The following OR8D2 variants were observed in gnomAD, a reference collection of about 807,000 sequenced individuals.
The protein encoded by OR8D2 is olfactory receptor 8D2.
For missense variants in OR8D2, 350 were observed against 369.8 expected (o/e 0.95, Z 0.44); for synonymous variants, 156 against 140.3 (o/e 1.11, Z -0.79).
chr11:124,320,128 G>T lies in OR8D2; in HGVS notation c.70C>A (p.Gln24Lys), dbSNP rs1025189055. ...LAGLTQRPEL[Q>K]LPLFLLFLGI... ...AGGAACAGGAGGAAGAGTGGCAGTT[G>T]AAGTTCTGGGCGTTGTGTCAAGCCT... Residue 24 changes from glutamine to lysine, a missense_variant, in exon 1 of 1, where the codon CAA becomes AAA. By Grantham distance (53) the Gln-to-Lys change is moderately conservative (BLOSUM62 1). Coordinates refer to ENST00000624618, the MANE Select transcript of OR8D2 (RefSeq NM_001002918.1). 1.9e-6 allele frequency: 3 copies of T among 1,613,480 alleles called. No individual in the cohort carries two copies. The African/African-American group carries it at 4.0e-5, about 22-fold the overall frequency.
At position 124,319,965 on chromosome 11, in the gene OR8D2, G is replaced by C; in HGVS notation, c.233C>G (p.Thr78Ser). 6.2e-7 allele frequency: 1 copy of C among 1,613,140 alleles called. No individual in the cohort carries two copies. The highest frequency in any genetic ancestry group is 8.5e-7 in the Non-Finnish European group (1 of 1,179,328). The change falls in exon 1 of 1, where the codon ACC becomes AGC. Residue 78 changes from threonine to serine, a missense_variant. Coordinates refer to ENST00000624618, the MANE Select transcript of OR8D2 (RefSeq NM_001002918.1). ...FIDLCYSSVI[T>S]PKMLVNFVPE... ...AACAAAGTTCACCAGCATCTTAGGG[G>C]TAATGACAGAGGAGTAGCAGAGATC...
Position 124,319,439 on chromosome 11 carries a change from C to T in OR8D2, c.759G>A (p.Gly253=), listed in dbSNP as rs758011345. 2 of 1,609,864 alleles carry T rather than the reference C, an allele frequency of 1.2e-6. No homozygotes were observed. The change falls in exon 1 of 1, where the codon GGG becomes GGA. Residue 253 remains glycine, a synonymous_variant. Coordinates refer to ENST00000624618, the MANE Select transcript of OR8D2 (RefSeq NM_001002918.1). ...SHLLAVGIFF[G]SITFMYFKPP... ...GCTTGAAATACATGAATGTTATAGA[C>T]CCAAAAAAGATGCCCACAGCCAAGA...
At position 124,319,812 on chromosome 11, in the gene OR8D2, G is replaced by C; in HGVS notation, c.386C>G (p.Pro129Arg). The C allele has an allele frequency of 6.2e-7, 1 of 1,613,528 alleles. No homozygotes were observed. Among genetic ancestry groups the C allele is most frequent in the South Asian group, 1.1e-5 (1 of 91,060 alleles). Residue 129 changes from proline to arginine, a missense_variant, in exon 1 of 1, where the codon CCA becomes CGA. Coordinates refer to ENST00000624618, the MANE Select transcript of OR8D2 (RefSeq NM_001002918.1). Reference sequence around the variant, plus strand: ...GGACATGACAATATTGTAAAGCAGTGGGCGACAGATAGCAACATAACGGTC... The same window carrying C: ...GGACATGACAATATTGTAAAGCAGTCGGCGACAGATAGCAACATAACGGTC... ...EYDRYVAICR[P>R]LLYNIVMSHR...
rs1565334094 is a variant in OR8D2 at position 124,319,863 on chromosome 11, CCTT to C, written c.332_334del (p.Glu111del). On this transcript the variant is annotated inframe_deletion, in exon 1 of 1. Coordinates refer to ENST00000624618, the MANE Select transcript of OR8D2 (RefSeq NM_001002918.1). ...ATATTCCATGGCTGTCAGAAGGTAG[CCTT>C]CTGCAATTACAAAAATAAGGAAGAA... The C allele has an allele frequency of 6.2e-7, 1 of 1,613,340 alleles. No homozygotes were observed. The highest frequency in any genetic ancestry group is 1.3e-5 in the African/African-American group (1 of 74,990).
In OR8D2 at chr11:124,320,156, C is replaced by A; in HGVS notation, c.42G>T (p.Leu14=). The part of the protein sequence containing the change: ...SNHSSGAEFI[L]AGLTQRPELQ... Reference sequence around the variant, plus strand: ...GTTCTGGGCGTTGTGTCAAGCCTGCCAGGATAAACTCAGCCCCTGAAGAAT... The same window carrying A: ...GTTCTGGGCGTTGTGTCAAGCCTGCAAGGATAAACTCAGCCCCTGAAGAAT... Residue 14 remains leucine, a synonymous_variant, in exon 1 of 1, where the codon CTG becomes CTT. Transcript: ENST00000624618. 1 of 1,612,122 alleles carries A rather than the reference C, an allele frequency of 6.2e-7. No homozygotes were observed. The highest frequency in any genetic ancestry group is 2.2e-5 in the East Asian group (1 of 44,786).
chr11:124,319,713 C>G lies in OR8D2; in HGVS notation c.485G>C (p.Arg162Pro). ...GFLWATVHTTRMSVLSFCRSH... is the reference protein window; with the variant it reads ...GFLWATVHTTPMSVLSFCRSH... Reference sequence around the variant, plus strand: ...CCTACAGAATGACAACACTGACATGCGGGTAGTATGGACTGTGGCCCACAG... The same window carrying G: ...CCTACAGAATGACAACACTGACATGGGGGTAGTATGGACTGTGGCCCACAG... Residue 162 changes from arginine to proline, a missense_variant, in exon 1 of 1, where the codon CGC (arginine) becomes CCC (proline). By Grantham distance (103) the Arg-to-Pro change is moderately radical. Transcript: ENST00000624618. 1.9e-6 allele frequency: 3 copies of G among 1,613,414 alleles called. No homozygotes were observed. The African/African-American group carries it at 4.0e-5, about 22-fold the overall frequency.
Position 124,319,680 on chromosome 11 carries a change from G to T in OR8D2, c.518C>A (p.Thr173Lys), listed in dbSNP as rs151287996. Residue 173 changes from threonine (T) to lysine (K), a missense_variant, in exon 1 of 1, where the codon ACG (threonine) becomes AAG (lysine). By Grantham distance (78) the Thr-to-Lys change is moderately conservative. Coordinates refer to ENST00000624618, the MANE Select transcript of OR8D2 (RefSeq NM_001002918.1). ...MSVLSFCRSH[T>K]VSHYFCDILP... Reference sequence around the variant, plus strand: ...AATATCACAAAAATAATGACTGACCGTATGAGACCTACAGAATGACAACAC... The same window carrying T: ...AATATCACAAAAATAATGACTGACCTTATGAGACCTACAGAATGACAACAC... The T allele has an allele frequency of 8.1e-6, 13 of 1,613,644 alleles. No individual in the cohort carries two copies. The South Asian group carries it at 1.4e-4, about 18-fold the overall frequency.
Position 124,319,955 on chromosome 11 carries a change from C to T in OR8D2, c.243G>A (p.Met81Ile). 1 of 1,613,386 alleles carries T rather than the reference C, an allele frequency of 6.2e-7. No homozygotes were observed. Among genetic ancestry groups the T allele is most frequent in the Non-Finnish European group, 8.5e-7 (1 of 1,179,590 alleles). ...TCTCCTCTGGAACAAAGTTCACCAGCATCTTAGGGGTAATGACAGAGGAGT... is the reference window on the plus strand; with the variant it reads ...TCTCCTCTGGAACAAAGTTCACCAGTATCTTAGGGGTAATGACAGAGGAGT... ...LCYSSVITPK[M>I]LVNFVPEENI... The change falls in exon 1 of 1, where the codon ATG becomes ATA. Residue 81 changes from methionine to isoleucine, a missense_variant. Coordinates refer to ENST00000624618, the MANE Select transcript of OR8D2 (RefSeq NM_001002918.1).
Position 124,319,278 on chromosome 11 carries a change from C to A in OR8D2, c.920G>T (p.Gly307Val). The A allele has an allele frequency of 6.7e-7, 1 of 1,503,200 alleles. No individual in the cohort carries two copies. The highest frequency in any genetic ancestry group is 1.4e-5 in the South Asian group (1 of 69,380). 93.1% of individuals were successfully genotyped at this position (1,503,200 alleles called of 1,614,324 possible). A position where few individuals can be genotyped will look rare whatever the true frequency, so the allele number is the denominator to read the frequency against. Residue 307 changes from glycine to valine, a missense_variant, in exon 1 of 1, where the codon GGA (glycine) becomes GTA (valine). Physicochemically the swap from Gly to Val is moderately radical, Grantham distance 109. Coordinates refer to ENST00000624618, the MANE Select transcript of OR8D2 (RefSeq NM_001002918.1). Reference sequence around the variant, plus strand: ...CCCTCTTTGTCAGGATGACTGCCTTCCCCTAGTCATCTTCTTCAGTGCATT... The same window carrying A: ...CCCTCTTTGTCAGGATGACTGCCTTACCCTAGTCATCTTCTTCAGTGCATT... ...VKNALKKMTRGRQSS is the reference protein window; with the variant it reads ...VKNALKKMTRVRQSS
In OR8D2 at chr11:124,319,616, G is replaced by T; in HGVS notation, c.582C>A (p.Ile194=). 6.2e-7 allele frequency: 1 copy of T among 1,613,624 alleles called. No homozygotes were observed. The highest frequency in any genetic ancestry group is 2.2e-5 in the East Asian group (1 of 44,814). The change falls in exon 1 of 1, where the codon ATC becomes ATA. Residue 194 remains isoleucine (I), a synonymous_variant. Transcript: ENST00000624618. ...CAATAATGAACAGCAGAATCTCATTGATGTGGGTGCTGGAGCAAGACAGAG... is the reference window on the plus strand; with the variant it reads ...CAATAATGAACAGCAGAATCTCATTTATGTGGGTGCTGGAGCAAGACAGAG... The part of the protein sequence containing the change: ...LLTLSCSSTH[I]NEILLFIIGG...
chr11:124,320,090 C>A lies in OR8D2; in HGVS notation c.108G>T (p.Val36=), dbSNP rs749544650. 6.2e-7 allele frequency: 1 copy of A among 1,613,624 alleles called. No individual in the cohort carries two copies. The highest frequency in any genetic ancestry group is 1.1e-5 in the South Asian group (1 of 91,050). The change falls in exon 1 of 1, where the codon GTG becomes GTT. Residue 36 remains valine, a synonymous_variant. Transcript: ENST00000624618. The stretch of plus-strand genomic sequence containing the variant: ...TGCCCAGGTTCCCCACCACTGTGAC[C>A]ACATATATTCCAAGGAACAGGAGGA... ...PLFLLFLGIY[V]VTVVGNLGMI...
Position 124,319,569 on chromosome 11 carries a change from GTTGCTAAGGTATTAACTCCTCCAATAA to G in OR8D2, c.602_628del (p.Ile201_Ala209del). 1 of 1,613,842 alleles carries G rather than the reference GTTGCTAAGGTATTAACTCCTCCAATAA, an allele frequency of 6.2e-7. No individual in the cohort carries two copies. Among genetic ancestry groups the G allele is most frequent in the Non-Finnish European group, 8.5e-7 (1 of 1,179,900 alleles). ...ATAAGAGATAAGGACCGCCAGTGTA[GTTGCTAAGGTATTAACTCCTCCAATAA>G]TGAACAGCAGAATCTCATTGATGTG... On this transcript the variant is annotated inframe_deletion, in exon 1 of 1. Coordinates refer to ENST00000624618, the MANE Select transcript of OR8D2 (RefSeq NM_001002918.1).
Position 124,319,780 on chromosome 11 carries a change from C to A in OR8D2, c.418G>T (p.Val140Phe). 4 of 1,613,550 alleles carry A rather than the reference C, an allele frequency of 2.5e-6. No homozygotes were observed. The highest frequency in any genetic ancestry group is 3.4e-6 in the Non-Finnish European group (4 of 1,179,860). The change falls in exon 1 of 1, where the codon GTC becomes TTC. Residue 140 changes from valine (V) to phenylalanine (F), a missense_variant. Physicochemically the swap from Val to Phe is conservative, Grantham distance 50 (BLOSUM62 -1). Coordinates refer to ENST00000624618, the MANE Select transcript of OR8D2 (RefSeq NM_001002918.1). ...ACCACAGCCATCATTATGGAACAGA[C>A]CCTGTGGGACATGACAATATTGTAA... is the stretch of plus-strand genomic sequence containing the variant. ...LLYNIVMSHR[V>F]CSIMMAVVYS...
rs1862503286 is a variant in OR8D2, at chr11:124,319,766, CATT to C, written c.429_431del (p.Ile143del). On this transcript the variant is annotated inframe_deletion, in exon 1 of 1. Coordinates refer to ENST00000624618, the MANE Select transcript of OR8D2 (RefSeq NM_001002918.1). ...AACCCAGTGAGTATACCACAGCCAT[CATT>C]ATGGAACAGACCCTGTGGGACATGA... 2 of 1,613,442 alleles carry C rather than the reference CATT, an allele frequency of 1.2e-6. No individual in the cohort carries two copies. The highest frequency in any genetic ancestry group is 2.7e-5 in the African/African-American group (2 of 74,880).
Position 124,319,795 on chromosome 11 carries a change from C to A in OR8D2, c.403G>T (p.Val135Phe), listed in dbSNP as rs1200407478. The A allele has an allele frequency of 6.2e-7, 1 of 1,613,562 alleles. No individual in the cohort carries two copies. The highest frequency in any genetic ancestry group is 8.5e-7 in the Non-Finnish European group (1 of 1,179,854). Residue 135 changes from valine to phenylalanine, a missense_variant, in exon 1 of 1, where the codon GTC (valine) becomes TTC (phenylalanine). Physicochemically the swap from Val to Phe is conservative, Grantham distance 50 (BLOSUM62 -1). Transcript: ENST00000624618. Reference protein sequence around the residue: ...AICRPLLYNIVMSHRVCSIMM... With the variant: ...AICRPLLYNIFMSHRVCSIMM... ...ATGGAACAGACCCTGTGGGACATGACAATATTGTAAAGCAGTGGGCGACAG... is the reference window on the plus strand; with the variant it reads ...ATGGAACAGACCCTGTGGGACATGAAAATATTGTAAAGCAGTGGGCGACAG...
In OR8D2 at chr11:124,319,563, A is replaced by G; in HGVS notation, c.635T>C (p.Leu212Pro). The G allele has an allele frequency of 6.2e-7, 1 of 1,613,908 alleles. No homozygotes were observed. The highest frequency in any genetic ancestry group is 8.5e-7 in the Non-Finnish European group (1 of 1,179,918). ...GAAAGCATAAGAGATAAGGACCGCC[A>G]GTGTAGTTGCTAAGGTATTAACTCC... ...IGGVNTLATT[L>P]AVLISYAFIF... is the part of the protein sequence containing the mutation. The change falls in exon 1 of 1, where the codon CTG becomes CCG. Residue 212 changes from leucine (L) to proline (P), a missense_variant. Coordinates refer to ENST00000624618, the MANE Select transcript of OR8D2 (RefSeq NM_001002918.1).
In OR8D2 at chr11:124,319,678, C is replaced by T; in HGVS notation, c.520G>A (p.Val174Ile). 6.2e-7 allele frequency: 1 copy of T among 1,613,634 alleles called. No homozygotes were observed. The highest frequency in any genetic ancestry group is 8.5e-7 in the Non-Finnish European group (1 of 1,179,868). The change falls in exon 1 of 1, where the codon GTC becomes ATC. Residue 174 changes from valine (V) to isoleucine (I), a missense_variant. Transcript: ENST00000624618. Reference sequence around the variant, plus strand: ...AGAATATCACAAAAATAATGACTGACCGTATGAGACCTACAGAATGACAAC... The same window carrying T: ...AGAATATCACAAAAATAATGACTGATCGTATGAGACCTACAGAATGACAAC... ...SVLSFCRSHT[V>I]SHYFCDILPL... is the part of the protein sequence containing the mutation.
At position 124,319,876 on chromosome 11, in the gene OR8D2, C is replaced by T; in HGVS notation, c.322G>A (p.Val108Ile). The T allele has an allele frequency of 6.2e-7, 1 of 1,613,304 alleles. No homozygotes were observed. The highest frequency in any genetic ancestry group is 8.5e-7 in the Non-Finnish European group (1 of 1,179,724). The stretch of plus-strand genomic sequence containing the variant: ...GTCAGAAGGTAGCCTTCTGCAATTA[C>T]AAAAATAAGGAAGAAATAAAGTTGA... Reference protein sequence around the residue: ...ITQLYFFLIFVIAEGYLLTAM... With the variant: ...ITQLYFFLIFIIAEGYLLTAM... The change falls in exon 1 of 1, where the codon GTA becomes ATA. Residue 108 changes from valine (V) to isoleucine (I), a missense_variant. Transcript: ENST00000624618.
At position 124,319,858 on chromosome 11, in the gene OR8D2, G is replaced by C; in HGVS notation, c.340C>G (p.Leu114Val). ...CGGTCATATTCCATGGCTGTCAGAA[G>C]GTAGCCTTCTGCAATTACAAAAATA... The part of the protein sequence containing the change: ...FLIFVIAEGY[L>V]LTAMEYDRYV... Residue 114 changes from leucine to valine, a missense_variant, in exon 1 of 1, where the codon CTT becomes GTT. Coordinates refer to ENST00000624618, the MANE Select transcript of OR8D2 (RefSeq NM_001002918.1). The C allele has an allele frequency of 6.2e-7, 1 of 1,613,402 alleles. No homozygotes were observed. The highest frequency in any genetic ancestry group is 8.5e-7 in the Non-Finnish European group (1 of 1,179,688).
Sources: gnomAD v4.1 joint callset for allele counts on GRCh38, gnomAD v4.1.1 for gene constraint, MANE v1.5 for transcripts, NCBI Gene and HGNC (gene_info 2026-07-23, HGNC 2026-07-21) for gene names.